ZNF224: variants seen among roughly 807,000 people sequenced by gnomAD.
ZNF224 encodes zinc finger protein 224, also known as bone marrow zinc finger 2.
In ZNF224, 8 loss-of-function variants were observed where a neutral mutation model predicts 10.5. That is an observed-to-expected ratio of 0.76 (90% confidence interval 0.45 to 1.37). The LOEUF (loss-of-function observed/expected upper bound fraction) is 1.37, where lower values mean the gene tolerates loss of function less well. Ranked by LOEUF, ZNF224 falls within the 40% of genes most tolerant of loss-of-function variation. The probability of loss-of-function intolerance (pLI) is 0.00; values close to 1 mark genes in which losing one functional copy is unlikely to be tolerated. For synonymous variants in ZNF224, 282 were observed against 287.8 expected (o/e 0.98, Z 0.20); for missense variants, 754 against 854.0 (o/e 0.88, Z 1.46).
At position 44,107,595 on chromosome 19, in the gene ZNF224, A is replaced by G; in HGVS notation, c.1435A>G (p.Ser479Gly). The part of the protein sequence containing the change: ...PCLLKHERLH[S>G]GEKPFQCEEC... Reference sequence around the variant, plus strand: ...TCTTTTGAAACATGAGAGACTCCACAGTGGAGAAAAACCATTCCAATGTGA... The same window carrying G: ...TCTTTTGAAACATGAGAGACTCCACGGTGGAGAAAAACCATTCCAATGTGA... Residue 479 changes from serine to glycine, a missense_variant, in exon 6 of 6, where the codon AGT becomes GGT. By Grantham distance (56) the Ser-to-Gly change is moderately conservative. Coordinates refer to ENST00000693561, the MANE Select transcript of ZNF224 (RefSeq NM_001321645.3). 1 of 1,613,910 alleles carries G rather than the reference A, an allele frequency of 6.2e-7. No individual in the cohort carries two copies. Among genetic ancestry groups the G allele is most frequent in the Non-Finnish European group, 8.5e-7 (1 of 1,179,862 alleles).
chr19:44,101,634 G>T (rs560767138), intron 5 of ZNF224, among the ~76,000 whole-genome samples: 1 of 152,178 alleles, frequency 6.6e-6, no homozygotes, highest in East Asian at 1.9e-4. Context: ...TCCTCCCAAG[G>T]GCACTGTGTT....
chr19:44,096,153 TACTC>T (rs1234137953), intron 1 of ZNF224, 186 bp from the exon 2 acceptor site: 1 of 152,214 alleles, frequency 6.6e-6, no homozygotes, highest in Non-Finnish European at 1.5e-5. Context: ...TGTTATATCA[TACTC>T]ATTAATCTCA....
In ZNF224 at chr19:44,108,982, T is replaced by C; in HGVS notation, c.*698T>C. 1 of 220,374 alleles carries C rather than the reference T, an allele frequency of 4.5e-6. No homozygotes were observed. Among genetic ancestry groups the C allele is most frequent in the Non-Finnish European group, 9.5e-6 (1 of 105,520 alleles). The allele number at this position is 220,374 out of a possible 1,614,324, so 13.7% of individuals were successfully genotyped here. ...TTCATTGAACATTATTTTATTGCAC[T>C]TGGCTCCTGGCTTCCCCCCATCCTG... is the stretch of plus-strand genomic sequence containing the variant. On this transcript the variant is annotated 3_prime_UTR_variant, in exon 6 of 6. Coordinates refer to ENST00000693561, the MANE Select transcript of ZNF224 (RefSeq NM_001321645.3).
intron 3 of ZNF224, among the ~76,000 whole-genome samples, chr19:44,099,943 G>T (rs2147525293): frequency 6.6e-6 from 1 of 152,114 alleles, no homozygotes; most frequent in South Asian, 2.1e-4. Context: ...TATTGGATTG[G>T]TAATCATGGA....
chr19:44,097,508 C>G (rs1047454562), intron 2 of ZNF224, among the ~76,000 whole-genome samples: 1 of 152,146 alleles, frequency 6.6e-6, no homozygotes, highest in Non-Finnish European at 1.5e-5. Context: ...AATATGTGGT[C>G]TTTTTTAACT....
chr19:44,100,253 C>T (rs769712112), intron 3 of ZNF224, among the ~76,000 whole-genome samples: 18 of 152,288 alleles, frequency 1.2e-4, no homozygotes, highest in Admixed American at 5.2e-4. Flanking sequence ...CTCTGAGGCA[C>T]GCTGGCTGCA....
intron 5 of ZNF224, chr19:44,105,198 CAA>C (rs1307980965): frequency 6.6e-6 from 1 of 152,212 alleles, no homozygotes. Context: ...CTCAAGCAAA[CAA>C]AGACACTCTC....
At chr19:44,100,967 A>G (rs1200027717) in intron 4 of ZNF224, 40 bp downstream of exon 4, 1 of 1,610,700 alleles carries the variant, frequency 6.2e-7, no homozygotes, top group African/African-American at 1.3e-5. Context: ...GTCAGGCCCC[A>G]GAGGTGGCTT....
chr19:44,102,769 G>T (rs1364599010), intron 5 of ZNF224, among the ~76,000 whole-genome samples: 1 of 152,130 alleles, frequency 6.6e-6, no homozygotes, highest in African/African-American at 2.4e-5. Flanking sequence ...AATCATTTTT[G>T]AATGAACATT....
intron 3 of ZNF224, among the ~76,000 whole-genome samples, chr19:44,099,574 C>T (rs1349829264): frequency 6.6e-6 from 1 of 152,012 alleles, no homozygotes; most frequent in Non-Finnish European, 1.5e-5. Flanking sequence ...AAAATCATGG[C>T]CAGGCCTGTG....
rs1213819471 is a variant in ZNF224 at position 44,107,846 on chromosome 19, C to A, written c.1686C>A (p.His562Gln). 1.2e-6 allele frequency: 2 copies of A among 1,601,916 alleles called. No individual in the cohort carries two copies. The highest frequency in any genetic ancestry group is 3.4e-5 in the Admixed American group (2 of 59,060). The change falls in exon 6 of 6, where the codon CAC becomes CAA. Residue 562 changes from histidine to glutamine, a missense_variant. His to Gln is a conservative substitution (Grantham distance 24). Transcript: ENST00000693561. ...ASCLLKHQRL[H>Q]SGEKPFKCEE... ...GTCTTTTGAAACATCAGAGACTGCA[C>A]AGTGGAGAAAAACCATTCAAATGTG...
Position 44,106,832 on chromosome 19 carries a change from A to G in ZNF224, c.672A>G (p.Arg224=), listed in dbSNP as rs1967676473. 3.1e-6 allele frequency: 5 copies of G among 1,613,712 alleles called. No homozygotes were observed. The highest frequency in any genetic ancestry group is 4.2e-6 in the Non-Finnish European group (5 of 1,179,786). Residue 224 remains arginine, a synonymous_variant, in exon 6 of 6, where the codon AGA becomes AGG. Transcript: ENST00000693561. ...SQSSHLQTHQ[R]VHTGEKPFKC... ...GTTCACATCTGCAAACTCATCAGAGAGTCCACACTGGAGAGAAACCGTTCA... is the reference window on the plus strand; with the variant it reads ...GTTCACATCTGCAAACTCATCAGAGGGTCCACACTGGAGAGAAACCGTTCA...
intron 5 of ZNF224, 54 bp downstream of exon 5, chr19:44,101,279 C>A: frequency 6.4e-7 from 1 of 1,556,990 alleles, no homozygotes; most frequent in Non-Finnish European, 8.8e-7. Context: ...TGTTTCACTT[C>A]TGTCCATGCT....
chr19:44,095,813 A>T (rs1347380076), intron 1 of ZNF224: 3 of 151,174 alleles, frequency 2.0e-5, no homozygotes, highest in Admixed American at 1.3e-4. Context: ...AATCCCATCT[A>T]CTCGGGAGGG....
At chr19:44,106,186 G>T in intron 5 of ZNF224, 3 of 579,400 alleles carry the variant, frequency 5.2e-6, no homozygotes, top group Admixed American at 3.3e-5. Flanking sequence ...ATTGTTTTTC[G>T]TCTTTTATTT....
At position 44,107,819 on chromosome 19, in the gene ZNF224, G is replaced by A. The variant is rs763575758; in HGVS notation, c.1659G>A (p.Ser553=). Residue 553 remains serine (S), a synonymous_variant, in exon 6 of 6, where the codon TCG becomes TCA. Transcript: ENST00000693561. The part of the protein sequence containing the change: ...KECGKSFGWA[S]CLLKHQRLHS... ...GTGGGAAGAGTTTTGGCTGGGCCTCGTGTCTTTTGAAACATCAGAGACTGC... is the reference window on the plus strand; with the variant it reads ...GTGGGAAGAGTTTTGGCTGGGCCTCATGTCTTTTGAAACATCAGAGACTGC... 29 of 1,600,858 alleles carry A rather than the reference G, an allele frequency of 1.8e-5. No homozygotes were observed. Among genetic ancestry groups the A allele is most frequent in the South Asian group, 4.4e-5 (4 of 90,388 alleles).
rs139591166 is a variant in ZNF224 at position 44,106,612 on chromosome 19, A to G, written c.452A>G (p.Asn151Ser). The G allele has an allele frequency of 1.1e-5, 17 of 1,604,572 alleles. No individual in the cohort carries two copies. Among genetic ancestry groups the G allele is most frequent in the Non-Finnish European group, 1.4e-5 (17 of 1,174,792 alleles). Residue 151 changes from asparagine to serine, a missense_variant, in exon 6 of 6, where the codon AAT becomes AGT. Coordinates refer to ENST00000693561, the MANE Select transcript of ZNF224 (RefSeq NM_001321645.3). Reference sequence around the variant, plus strand: ...ACAAGACAGAAATCTTCCCAGGGCAATGGATATAAACCATCCTTCAGTGAT... The same window carrying G: ...ACAAGACAGAAATCTTCCCAGGGCAGTGGATATAAACCATCCTTCAGTGAT... ...IHTRQKSSQG[N>S]GYKPSFSDVS...
Position 44,100,755 on chromosome 19 carries a change from G to C in ZNF224, c.16-46G>C, listed in dbSNP as rs180937671. On this transcript the variant is annotated intron_variant, in intron 3 of 5. Coordinates refer to ENST00000693561, the MANE Select transcript of ZNF224 (RefSeq NM_001321645.3). ...CTGCTCAGTGCCACCCCTCTCCCAG[G>C]AATCATTGGTCATGAGACTGAGATT... The C allele has an allele frequency of 2.5e-6, 4 of 1,596,152 alleles. No individual in the cohort carries two copies. The African/African-American group carries it at 5.4e-5, about 21-fold the overall frequency.
chr19:44,107,053 G>T lies in ZNF224; in HGVS notation c.893G>T (p.Cys298Phe), dbSNP rs1207734066. The change falls in exon 6 of 6, where the codon TGT (cysteine) becomes TTT (phenylalanine). Residue 298 changes from cysteine to phenylalanine, a missense_variant. Transcript: ENST00000693561. ...FKCDICGKSFCGRSRLNRHSM... is the reference protein window; with the variant it reads ...FKCDICGKSFFGRSRLNRHSM... ...TGTGATATATGTGGTAAGAGCTTCTGTGGTAGATCAAGACTTAATAGGCAT... is the reference window on the plus strand; with the variant it reads ...TGTGATATATGTGGTAAGAGCTTCTTTGGTAGATCAAGACTTAATAGGCAT... 6.2e-7 allele frequency: 1 copy of T among 1,602,194 alleles called. No homozygotes were observed. Among genetic ancestry groups the T allele is most frequent in the Non-Finnish European group, 8.5e-7 (1 of 1,173,322 alleles).
Sources: gnomAD v4.1 joint callset for allele counts (sites outside exome capture counted in the v4.1 genomes callset) on GRCh38, gnomAD v4.1.1 for gene constraint, MANE v1.5 for transcripts, NCBI Gene and HGNC (gene_info 2026-07-23, HGNC 2026-07-21) for gene names.